The following SERAC1 variants were observed in gnomAD, a reference collection of about 807,000 sequenced individuals.
SERAC1 encodes the protein serine active site containing 1, also known as protein SERAC1.
SERAC1 carries 36 observed loss-of-function variants against 85.7 expected under a neutral mutation model. That is an observed-to-expected ratio of 0.42 (90% confidence interval 0.32 to 0.55). SERAC1 has a LOEUF of 0.55. Among genes scored for constraint, SERAC1 ranks in the 20% least tolerant of loss-of-function variants. The pLI is 0.11. For synonymous variants in SERAC1, 242 were observed against 265.3 expected, an observed-to-expected ratio of 0.91 and a Z score of 0.85; for missense variants, 629 against 796.2, an observed-to-expected ratio of 0.79 and a Z score of 2.53.
In SERAC1 at chr6:158,142,563, G is replaced by A. The variant is rs527771733; in HGVS notation, c.738+493C>T. 3.3e-5 allele frequency among the ~76,000 whole-genome samples: 5 copies of A among 151,162 alleles called. No individual in the cohort carries two copies. In the South Asian group the frequency reaches 6.3e-4, roughly 19 times the overall value. ...ACAGTCTCGGCTCACTGCAACCTCC[G>A]CCTCCCGGGTTCAAGCGATTCTCCT... On this transcript the variant is annotated intron_variant, in intron 8 of 16. Transcript: ENST00000647468.
At chr6:158,147,279 C>T (rs1159911594) in intron 5 of SERAC1, among the ~76,000 whole-genome samples, 1 of 151,600 alleles carries the variant, frequency 6.6e-6, no homozygotes, top group East Asian at 1.9e-4. Flanking sequence ...GCTGAGATCA[C>T]AGGGGTATAC....
At chr6:158,163,088 C>A (rs1029716959) in intron 1 of SERAC1, among the ~76,000 whole-genome samples, 1 of 152,142 alleles carries the variant, frequency 6.6e-6, no homozygotes, top group Admixed American at 6.5e-5. Context: ...CCAATATCCC[C>A]ATTAATGAAG....
At chr6:158,160,139 A>C (rs1463446389) in intron 1 of SERAC1, among the ~76,000 whole-genome samples, 2 of 151,902 alleles carry the variant, frequency 1.3e-5, no homozygotes, top group Non-Finnish European at 2.9e-5. Flanking sequence ...TGTCTGCATG[A>C]TCTACCAGTA....
At chr6:158,167,866 G>A (rs2128427250) in intron 1 of SERAC1, among the ~76,000 whole-genome samples, 1 of 152,126 alleles carries the variant, frequency 6.6e-6, no homozygotes, top group South Asian at 2.1e-4. Flanking sequence ...CGTGACTACC[G>A]AGCCCGGGAA....
At chr6:158,115,462 G>A (rs182846672) in intron 14 of SERAC1, among the ~76,000 whole-genome samples, 102 of 152,292 alleles carry the variant, frequency 6.7e-4, no homozygotes, top group Admixed American at 2.4e-3. Flanking sequence ...CTTTGGAACC[G>A]ATAATGAAAC....
intron 1 of SERAC1, among the ~76,000 whole-genome samples, chr6:158,167,035 A>C (rs1227846219): frequency 6.6e-6 from 1 of 151,738 alleles, no homozygotes; most frequent in African/African-American, 2.4e-5. Flanking sequence ...CAAGGAAGAG[A>C]ATGTATGCAA....
chr6:158,155,602 G>A (rs1785311068), intron 2 of SERAC1, among the ~76,000 whole-genome samples: 1 of 152,110 alleles, frequency 6.6e-6, no homozygotes, highest in Admixed American at 6.5e-5. Flanking sequence ...CCACCTCCTA[G>A]TCCCTGTTCC....
intron 3 of SERAC1, chr6:158,152,886 C>A (rs926567598): frequency 6.6e-6 from 1 of 152,102 alleles, no homozygotes; most frequent in Non-Finnish European, 1.5e-5. Flanking sequence ...GATTGCACAA[C>A]AATGAAATCA....
intron 1 of SERAC1, chr6:158,161,955 T>C (rs1785497992): frequency 6.6e-6 from 1 of 152,246 alleles, no homozygotes. Context: ...AAAAAAACGT[T>C]CATTCCTTCC....
chr6:158,116,890 T>G (rs755707868), intron 13 of SERAC1: 30 of 152,862 alleles, frequency 2.0e-4, no homozygotes, highest in Non-Finnish European at 2.6e-4. Context: ...GTCAAGTTTA[T>G]TAGCACTTAT....
At chr6:158,160,819 C>T (rs1460428702) in intron 1 of SERAC1, 1 of 149,170 alleles carries the variant, frequency 6.7e-6, no homozygotes, top group African/African-American at 2.6e-5. Context: ...CGATCCTCTC[C>T]TATCTTGTCT....
At chr6:158,155,416 C>T in intron 2 of SERAC1, 65 bp from the exon 3 acceptor site, 1 of 900,722 alleles carries the variant, frequency 1.1e-6, no homozygotes, top group Non-Finnish European at 1.8e-6. Flanking sequence ...AAATAGGCAA[C>T]AGTGTAAGTC....
chr6:158,136,709 G>A (rs1351028465), intron 8 of SERAC1, among the ~76,000 whole-genome samples: 1 of 152,104 alleles, frequency 6.6e-6, no homozygotes, highest in Non-Finnish European at 1.5e-5. Context: ...AGGGCCCTTG[G>A]GGACCACTAT....
intron 8 of SERAC1, among the ~76,000 whole-genome samples, chr6:158,141,474 A>G (rs1271489135): frequency 3.9e-5 from 6 of 152,246 alleles, no homozygotes; most frequent in Non-Finnish European, 7.3e-5. Flanking sequence ...AAATATCACC[A>G]TAAATTTAAG....
At chr6:158,128,385 G>A (rs1221209316) in intron 9 of SERAC1, 115 bp from the exon 10 acceptor site, 18 of 887,510 alleles carry the variant, frequency 2.0e-5, no homozygotes, top group Non-Finnish European at 2.8e-5. Context: ...CAGGGATGCA[G>A]GGAGACTCCT....
At position 158,120,422 on chromosome 6, in the gene SERAC1, T is replaced by C. The variant is rs1784390025; in HGVS notation, c.1166+3A>G. On this transcript the variant is annotated splice_donor_region_variant and intron_variant, in intron 11 of 16. Coordinates refer to ENST00000647468, the MANE Select transcript of SERAC1 (RefSeq NM_032861.4). The surrounding 1 kb of genome is among the most constrained non-coding windows in gnomAD (Gnocchi z 4.4). ...ACAAAGCAACTCTCTTCTGCTTCCT[T>C]ACCTTGTTCGATATTGGGGATGCAG... 6.2e-7 allele frequency: 1 copy of C among 1,611,344 alleles called. No homozygotes were observed. Among genetic ancestry groups the C allele is most frequent in the Non-Finnish European group, 8.5e-7 (1 of 1,178,406 alleles).
At position 158,116,275 on chromosome 6, in the gene SERAC1, T is replaced by G. The variant is rs945178873; in HGVS notation, c.1411A>C (p.Ile471Leu). Reference sequence around the variant, plus strand: ...AGAAGTTCGTTGCTTCTGAATGCAATGGACTTTCTGAACAAAACAAAAACA... The same window carrying G: ...AGAAGTTCGTTGCTTCTGAATGCAAGGGACTTTCTGAACAAAACAAAAACA... Reference protein sequence around the residue: ...RARCPMERKSIAFRSNELLRK... With the variant: ...RARCPMERKSLAFRSNELLRK... The change falls in exon 14 of 17, where the codon ATT becomes CTT. Residue 471 changes from isoleucine (I) to leucine (L), a missense_variant. Coordinates refer to ENST00000647468, the MANE Select transcript of SERAC1 (RefSeq NM_032861.4). The G allele has an allele frequency of 3.7e-6, 6 of 1,613,786 alleles. No homozygotes were observed. Among genetic ancestry groups the G allele is most frequent in the Non-Finnish European group, 4.2e-6 (5 of 1,179,694 alleles).
Position 158,119,852 on chromosome 6 carries a change from T to C in SERAC1, c.1166+573A>G, listed in dbSNP as rs755499771. Reference sequence around the variant, plus strand: ...AGAAAACCAAGAAATATGTTATTTTTTCAGTGTGGTCCCTTCTATATTTAT... The same window carrying C: ...AGAAAACCAAGAAATATGTTATTTTCTCAGTGTGGTCCCTTCTATATTTAT... On this transcript the variant is annotated intron_variant, in intron 11 of 16. Transcript: ENST00000647468. This position sits in a 1 kb window ranked among gnomAD's most constrained non-coding sequence, Gnocchi z 4.5. Among the ~76,000 whole-genome samples, 32 of 152,360 alleles carry C rather than the reference T, an allele frequency of 2.1e-4. No homozygotes were observed. The highest frequency in any genetic ancestry group is 7.7e-4 in the African/African-American group (32 of 41,588).
Position 158,110,386 on chromosome 6 carries a change from TAAAC to T in SERAC1, c.*976_*979del, listed in dbSNP as rs898621224. The T allele has an allele frequency of 8.5e-5, 13 of 152,126 alleles. No individual in the cohort carries two copies. The highest frequency in any genetic ancestry group is 5.8e-4 in the East Asian group (3 of 5,170). 9.4% of individuals were successfully genotyped at this position (152,126 alleles called of 1,614,324 possible). On this transcript the variant is annotated 3_prime_UTR_variant, in exon 17 of 17. Coordinates refer to ENST00000647468, the MANE Select transcript of SERAC1 (RefSeq NM_032861.4). ...GGGCAACAGAGTCAGACCCTGTCTC[TAAAC>T]AAACAAAACAAAACAAAAATGAATT...
Sources: allele counts gnomAD v4.1 joint callset (sites outside exome capture counted in the v4.1 genomes callset), GRCh38; gene constraint gnomAD v4.1.1; non-coding constraint Gnocchi (gnomAD v3.1); transcripts MANE v1.5; gene names NCBI Gene and HGNC (gene_info 2026-07-23, HGNC 2026-07-21).